SNRK: variants seen among roughly 807,000 people sequenced by gnomAD.
SNRK encodes SNF related kinase, also known as SNF-related serine/threonine-protein kinase.
In SNRK, 3 loss-of-function variants were observed where a neutral mutation model predicts 48.2. That is an observed-to-expected ratio of 0.06 (90% confidence interval 0.03 to 0.16). SNRK has a LOEUF of 0.16. SNRK is among the 10% of genes least tolerant of loss of function. SNRK has a pLI of 1.00. For synonymous variants in SNRK, 376 were observed against 366.1 expected, an observed-to-expected ratio of 1.03 and a Z score of -0.31; for missense variants, 627 against 976.0, an observed-to-expected ratio of 0.64 and a Z score of 4.76.
chr3:43,313,296 TA>T (rs1471237951), intron 3 of SNRK, among the ~76,000 whole-genome samples: 1 of 152,188 alleles, frequency 6.6e-6, no homozygotes, highest in Non-Finnish European at 1.5e-5. Flanking sequence ...ATAATAGCCA[TA>T]AACTGGAAAC....
At chr3:43,323,450 A>G (rs889310286) in intron 3 of SNRK, among the ~76,000 whole-genome samples, 3 of 152,214 alleles carry the variant, frequency 2.0e-5, no homozygotes, top group East Asian at 1.9e-4. Context: ...AAAACTGACA[A>G]TACCAAGTGC....
chr3:43,305,480 ATT>A (rs35255577), intron 3 of SNRK, among the ~76,000 whole-genome samples: 59 of 132,906 alleles, frequency 4.4e-4, no homozygotes, highest in Admixed American at 5.4e-4. Flanking sequence ...TTTATATACA[ATT>A]TTTTTTTTTT....
Position 43,347,924 on chromosome 3 carries a change from T to G in SNRK, c.1665T>G (p.Asp555Glu). The G allele has an allele frequency of 6.2e-7, 1 of 1,614,106 alleles. No homozygotes were observed. Among genetic ancestry groups the G allele is most frequent in the Non-Finnish European group, 8.5e-7 (1 of 1,180,020 alleles). The change falls in exon 7 of 7, where the codon GAT (aspartate) becomes GAG (glutamate). Residue 555 changes from aspartate (D) to glutamate (E), a missense_variant. By Grantham distance (45) the Asp-to-Glu change is conservative. This residue lies in a region of SNRK where 98 missense variants were observed against 175.2 expected (regional missense o/e 0.56). Coordinates refer to ENST00000296088, the MANE Select transcript of SNRK (RefSeq NM_017719.5). The surrounding 1 kb of genome is among the most constrained non-coding windows in gnomAD (Gnocchi z 5.4). ...ATTCTGAAAGCCGGCGGCGGCTCGA[T>G]AAAGATAGCGGGTTCACCTACTCCT... ...DDDSESRRRL[D>E]KDSGFTYSWH... is the part of the protein sequence containing the mutation.
intron 3 of SNRK, among the ~76,000 whole-genome samples, chr3:43,312,602 A>G (rs1444329825): frequency 5.9e-5 from 9 of 152,196 alleles, no homozygotes; most frequent in Admixed American, 1.3e-4. Flanking sequence ...TACATATATC[A>G]CTTTTACTCA....
intron 3 of SNRK, among the ~76,000 whole-genome samples, chr3:43,326,606 A>G (rs1181854603): frequency 6.6e-6 from 1 of 152,180 alleles, no homozygotes; most frequent in African/African-American, 2.4e-5. Flanking sequence ...ACCTTGGGGA[A>G]GATGAGGATC....
At chr3:43,312,654 T>C (rs1339620717) in intron 3 of SNRK, among the ~76,000 whole-genome samples, 2 of 152,130 alleles carry the variant, frequency 1.3e-5, no homozygotes, top group African/African-American at 4.8e-5. Context: ...AAAGAAGAAA[T>C]AAAACTGTTT....
intron 6 of SNRK, among the ~76,000 whole-genome samples, chr3:43,346,070 G>C (rs2091273252): frequency 6.6e-6 from 1 of 152,210 alleles, no homozygotes; most frequent in African/African-American, 2.4e-5. Flanking sequence ...GGAGGAGCCA[G>C]ATAGCAGGGT....
At chr3:43,341,595 T>C (rs2091238428) in intron 5 of SNRK, among the ~76,000 whole-genome samples, 1 of 152,208 alleles carries the variant, frequency 6.6e-6, no homozygotes, top group Admixed American at 6.5e-5. Flanking sequence ...AGGTCAGAAG[T>C]TATTTAATTT....
intron 4 of SNRK, among the ~76,000 whole-genome samples, chr3:43,333,896 C>G (rs1219266661): frequency 6.6e-6 from 1 of 151,902 alleles, no homozygotes; most frequent in East Asian, 1.9e-4. Context: ...ACCTGTAATC[C>G]CAGCACTTAA....
At chr3:43,306,812 G>A (rs1056516595) in intron 3 of SNRK, among the ~76,000 whole-genome samples, 5 of 152,098 alleles carry the variant, frequency 3.3e-5, no homozygotes, top group Admixed American at 3.3e-4. Flanking sequence ...ATTTAGAAAG[G>A]TGTTCCTTTT....
intron 2 of SNRK, among the ~76,000 whole-genome samples, chr3:43,301,288 T>G: frequency 6.6e-6 from 1 of 152,234 alleles, no homozygotes; most frequent in Non-Finnish European, 1.5e-5. Context: ...ACTTTATGCT[T>G]CTTTTATAGT....
chr3:43,322,697 A>G (rs2091063074), intron 3 of SNRK, among the ~76,000 whole-genome samples: 1 of 152,176 alleles, frequency 6.6e-6, no homozygotes, highest in African/African-American at 2.4e-5. Flanking sequence ...TCATGCCTGT[A>G]ATCCGAGCAC....
chr3:43,314,867 T>TC (rs1416350877), intron 3 of SNRK: 1 of 151,796 alleles, frequency 6.6e-6, no homozygotes, highest in Non-Finnish European at 1.5e-5. Flanking sequence ...CAACATAGAC[T>TC]CCATCTCTTA....
chr3:43,316,809 C>T (rs2091016674), intron 3 of SNRK, among the ~76,000 whole-genome samples: 1 of 151,822 alleles, frequency 6.6e-6, no homozygotes, highest in Non-Finnish European at 1.5e-5. Flanking sequence ...ATTGCTTGTC[C>T]TTTCCTCTTC....
At chr3:43,287,184 G>A (rs2090772530) in intron 1 of SNRK, among the ~76,000 whole-genome samples, 1 of 152,148 alleles carries the variant, frequency 6.6e-6, no homozygotes, top group Admixed American at 6.5e-5. Context: ...ACAATAGAGT[G>A]GGGATGTTGT....
At chr3:43,291,592 A>G (rs1362394520) in intron 1 of SNRK, among the ~76,000 whole-genome samples, 1 of 152,172 alleles carries the variant, frequency 6.6e-6, no homozygotes, top group Non-Finnish European at 1.5e-5. Flanking sequence ...GCTAATATAT[A>G]TTATCCCATT....
chr3:43,315,509 A>G (rs2091007607), intron 3 of SNRK, among the ~76,000 whole-genome samples: 3 of 152,094 alleles, frequency 2.0e-5, no homozygotes, highest in Non-Finnish European at 2.9e-5. Flanking sequence ...CTCTTGTACT[A>G]TTTACCATTT....
At chr3:43,314,777 G>A (rs2091002526) in intron 3 of SNRK, among the ~76,000 whole-genome samples, 1 of 152,112 alleles carries the variant, frequency 6.6e-6, no homozygotes, top group African/African-American at 2.4e-5. Context: ...AGGCCTCGTA[G>A]TGTGTGCCTA....
At chr3:43,299,915 C>T (rs2090886188) in intron 2 of SNRK, 100 bp downstream of exon 2, 1 of 152,418 alleles carries the variant, frequency 6.6e-6, no homozygotes. Flanking sequence ...GCTGCAAGAT[C>T]CTCAGAGATC....
Sources: allele counts gnomAD v4.1 joint callset (sites outside exome capture counted in the v4.1 genomes callset), GRCh38; gene constraint gnomAD v4.1.1; regional missense constraint gnomAD v4.1.1; non-coding constraint Gnocchi (gnomAD v3.1); transcripts MANE v1.5; gene names NCBI Gene and HGNC (gene_info 2026-07-23, HGNC 2026-07-21).